The following PRR14L variants were observed in gnomAD, a reference collection of about 807,000 sequenced individuals.
The protein encoded by PRR14L is protein PRR14L.
A neutral mutation model predicts 155.0 loss-of-function variants in PRR14L; 80 were observed. The observed-to-expected ratio is 0.52, with a 90% CI of 0.43 to 0.62. PRR14L has a LOEUF of 0.62. Ranked by LOEUF, PRR14L falls within the 20% of genes least tolerant of loss-of-function variation. The probability of loss-of-function intolerance (pLI) is 0.00; values close to 1 mark genes in which losing one functional copy is unlikely to be tolerated. For missense variants in PRR14L, 2,469 were observed against 2,548.0 expected (o/e 0.97, Z 0.67); for synonymous variants, 883 against 916.0 (o/e 0.96, Z 0.65).
intron 3 of PRR14L, among the ~76,000 whole-genome samples, chr22:31,720,156 A>T (rs1444240992): frequency 6.6e-6 from 1 of 152,184 alleles, no homozygotes; most frequent in Non-Finnish European, 1.5e-5. Flanking sequence ...GTCATGTGGG[A>T]CAGTGCCTGC....
intron 1 of PRR14L, among the ~76,000 whole-genome samples, chr22:31,742,243 C>A (rs2074816891): frequency 6.6e-6 from 1 of 152,134 alleles, no homozygotes; most frequent in African/African-American, 2.4e-5. Flanking sequence ...TCTGATCCTG[C>A]CTACCACAGA....
chr22:31,737,930 A>C (rs1441135637), intron 2 of PRR14L, among the ~76,000 whole-genome samples: 1 of 151,758 alleles, frequency 6.6e-6, no homozygotes, highest in Non-Finnish European at 1.5e-5. Context: ...CAAGAGAATC[A>C]CTTGAACCCA....
intron 1 of PRR14L, among the ~76,000 whole-genome samples, chr22:31,741,035 C>T (rs1409601536): frequency 3.3e-5 from 5 of 151,778 alleles, no homozygotes; most frequent in East Asian, 3.9e-4. Flanking sequence ...GGGCGGATCA[C>T]GAGGTCAGGA....
rs115218569 is a variant in PRR14L, at chr22:31,683,187, C to T, written c.*2340G>A. The T allele has an allele frequency of 7.3e-4, 112 of 152,576 alleles. No individual in the cohort carries two copies. The highest frequency in any genetic ancestry group is 2.5e-3 in the African/African-American group (102 of 41,584). 9.5% of individuals were successfully genotyped at this position (152,576 alleles called of 1,614,324 possible). ...GCTCCCAGTTACCCATGTTCCAAACCGCTGCTTCTGGTCCTTCGAGTGCCA... is the reference window on the plus strand; with the variant it reads ...GCTCCCAGTTACCCATGTTCCAAACTGCTGCTTCTGGTCCTTCGAGTGCCA... On this transcript the variant is annotated 3_prime_UTR_variant, in exon 9 of 9. Transcript: ENST00000327423.
In PRR14L at chr22:31,716,983, T is replaced by C. The variant is rs1472257950; in HGVS notation, c.856A>G (p.Asn286Asp). ...TTGTCCACATTAGAAATGGCACTGTTTCCTGGTAATGACAACCAAGGACAA... is the reference window on the plus strand; with the variant it reads ...TTGTCCACATTAGAAATGGCACTGTCTCCTGGTAATGACAACCAAGGACAA... ...KSCPWLSLPGNSAISNVDNGK... is the reference protein window; with the variant it reads ...KSCPWLSLPGDSAISNVDNGK... Residue 286 changes from asparagine to aspartate, a missense_variant, in exon 4 of 9, where the codon AAC (asparagine) becomes GAC (aspartate). Around this residue, in one of 2 missense-constraint regions of PRR14L, gnomAD observed 2,363 missense variants for 2,371.6 expected, o/e 1.00. Coordinates refer to ENST00000327423, the MANE Select transcript of PRR14L (RefSeq NM_173566.3). 2 of 1,551,786 alleles carry C rather than the reference T, an allele frequency of 1.3e-6. No homozygotes were observed. Among genetic ancestry groups the C allele is most frequent in the Non-Finnish European group, 1.7e-6 (2 of 1,146,908 alleles).
At chr22:31,723,455 G>C (rs747811580) in intron 3 of PRR14L, among the ~76,000 whole-genome samples, 2 of 152,202 alleles carry the variant, frequency 1.3e-5, no homozygotes, top group African/African-American at 4.8e-5. Context: ...GTGGTTAAAT[G>C]AAAGTGTAGT....
At chr22:31,696,394 C>G (rs1032762209) in intron 7 of PRR14L, among the ~76,000 whole-genome samples, 1 of 152,162 alleles carries the variant, frequency 6.6e-6, no homozygotes, top group African/African-American at 2.4e-5. Flanking sequence ...CCACCTCAGC[C>G]TCCCAAAGTG....
At position 31,738,649 on chromosome 22, in the gene PRR14L, T is replaced by C. The variant is rs2147876202; in HGVS notation, c.212A>G (p.His71Arg). ...GGTTTCTTCACAACAACTCTCCACATGAGTCCTCTGCAGCTCCAAGGGCAA... is the reference window on the plus strand; with the variant it reads ...GGTTTCTTCACAACAACTCTCCACACGAGTCCTCTGCAGCTCCAAGGGCAA... The part of the protein sequence containing the change: ...RALPLELQRT[H>R]VESCCEETYE... The change falls in exon 2 of 9, where the codon CAT becomes CGT. Residue 71 changes from histidine (H) to arginine (R), a missense_variant. Transcript: ENST00000327423. 1.9e-6 allele frequency: 3 copies of C among 1,552,068 alleles called. No homozygotes were observed. The highest frequency in any genetic ancestry group is 4.9e-5 in the East Asian group (2 of 40,922).
chr22:31,716,049 A>G lies in PRR14L; in HGVS notation c.1790T>C (p.Leu597Ser), dbSNP rs763929787. The change falls in exon 4 of 9, where the codon TTG (leucine) becomes TCG (serine). Residue 597 changes from leucine (L) to serine (S), a missense_variant. Physicochemically the swap from Leu to Ser is moderately radical, Grantham distance 145. Coordinates refer to ENST00000327423, the MANE Select transcript of PRR14L (RefSeq NM_173566.3). ...VLKPKQGTALLLPSPEFDYRP... is the reference protein window; with the variant it reads ...VLKPKQGTALSLPSPEFDYRP... ...GTAATCAAATTCTGGGGATGGTAGCAACAGAGCAGTACCTTGCTTGGGTTT... is the reference window on the plus strand; with the variant it reads ...GTAATCAAATTCTGGGGATGGTAGCGACAGAGCAGTACCTTGCTTGGGTTT... 1 of 1,550,652 alleles carries G rather than the reference A, an allele frequency of 6.4e-7. No individual in the cohort carries two copies. Among genetic ancestry groups the G allele is most frequent in the Non-Finnish European group, 8.7e-7 (1 of 1,146,940 alleles).
chr22:31,725,447 A>G, intron 3 of PRR14L, 91 bp downstream of exon 3: 1 of 833,108 alleles, frequency 1.2e-6, no homozygotes, highest in East Asian at 2.7e-5. Flanking sequence ...AAGGACTTAC[A>G]ACCCTTATAT....
At chr22:31,701,859 G>T in intron 6 of PRR14L, 97 bp from the exon 7 acceptor site, 1 of 877,364 alleles carries the variant, frequency 1.1e-6, no homozygotes, top group South Asian at 1.7e-5. Context: ...CCAGGCTGGT[G>T]TGAAGTGGTG....
At chr22:31,737,406 G>A (rs561940045) in intron 2 of PRR14L, among the ~76,000 whole-genome samples, 36 of 151,370 alleles carry the variant, frequency 2.4e-4, no homozygotes, top group Non-Finnish European at 4.1e-4. Flanking sequence ...GCTTGAACCT[G>A]GGAGGCAGAG....
Position 31,712,128 on chromosome 22 carries a change from T to A in PRR14L, c.5711A>T (p.His1904Leu). 1.9e-6 allele frequency: 3 copies of A among 1,613,790 alleles called. No individual in the cohort carries two copies. Among genetic ancestry groups the A allele is most frequent in the Non-Finnish European group, 2.5e-6 (3 of 1,179,938 alleles). ...SVCSFEISSL[H>L]SPHCKRQPSL... Reference sequence around the variant, plus strand: ...TGGTTGCCGCTTGCAGTGAGGGGAATGAAGAGAAGAGATTTCGAAGGAGCA... The same window carrying A: ...TGGTTGCCGCTTGCAGTGAGGGGAAAGAAGAGAAGAGATTTCGAAGGAGCA... The change falls in exon 4 of 9, where the codon CAT (histidine) becomes CTT (leucine). Residue 1904 changes from histidine to leucine, a missense_variant. Coordinates refer to ENST00000327423, the MANE Select transcript of PRR14L (RefSeq NM_173566.3).
chr22:31,729,282 G>A (rs1358875623), intron 2 of PRR14L, among the ~76,000 whole-genome samples: 6 of 152,118 alleles, frequency 3.9e-5, no homozygotes, highest in Admixed American at 2.6e-4. Flanking sequence ...CACAACCTCC[G>A]CTCACTGCAA....
At chr22:31,746,916 C>T (rs868566010) in intron 1 of PRR14L, among the ~76,000 whole-genome samples, 48 of 151,860 alleles carry the variant, frequency 3.2e-4, no homozygotes, top group African/African-American at 1.1e-3. Context: ...CCTGCCTCAG[C>T]CTCCCAAGTA....
intron 7 of PRR14L, among the ~76,000 whole-genome samples, chr22:31,694,083 C>T (rs1462706030): frequency 6.6e-6 from 1 of 152,170 alleles, no homozygotes; most frequent in East Asian, 1.9e-4. Flanking sequence ...TTGAGACCAG[C>T]CTGGCCAACG....
intron 6 of PRR14L, among the ~76,000 whole-genome samples, chr22:31,702,127 G>A (rs1306360334): frequency 6.6e-6 from 1 of 152,174 alleles, no homozygotes; most frequent in Admixed American, 6.6e-5. Context: ...AATATATAAA[G>A]TCCATCTTGA....
intron 4 of PRR14L, among the ~76,000 whole-genome samples, chr22:31,709,533 GTTTTTTTTT>G (rs35320368): frequency 1.0e-4 from 9 of 88,546 alleles, no homozygotes; most frequent in Admixed American, 8.2e-4. Flanking sequence ...CGCCTGTGGG[GTTTTTTTTT>G]TTTTTTTTTT....
intron 2 of PRR14L, among the ~76,000 whole-genome samples, chr22:31,736,361 G>A (rs2074781566): frequency 2.6e-5 from 4 of 151,404 alleles, no homozygotes; most frequent in Middle Eastern, 3.4e-3. Flanking sequence ...ACTCCAGCCT[G>A]GGCAATAAGA....
Sources: allele counts gnomAD v4.1 joint callset (sites outside exome capture counted in the v4.1 genomes callset), GRCh38; gene constraint gnomAD v4.1.1; regional missense constraint gnomAD v4.1.1; transcripts MANE v1.5; gene names NCBI Gene and HGNC (gene_info 2026-07-23, HGNC 2026-07-21).